The following MYO5A variants were observed in gnomAD, a reference collection of about 807,000 sequenced individuals.
MYO5A encodes myosin VA.
Under a neutral mutation model 249.7 loss-of-function variants are expected in MYO5A, and 98 were observed. The observed-to-expected ratio is 0.39, with a 90% CI of 0.33 to 0.46. The LOEUF is 0.46. Ranked by LOEUF, MYO5A falls within the 20% of genes least tolerant of loss-of-function variation. The probability of loss-of-function intolerance (pLI) is 0.98; values close to 1 mark genes in which losing one functional copy is unlikely to be tolerated. For missense variants in MYO5A, 1,696 were observed against 2,308.8 expected, an observed-to-expected ratio of 0.73 and a Z score of 5.44; for synonymous variants, 778 against 810.6, an observed-to-expected ratio of 0.96 and a Z score of 0.68.
intron 1 of MYO5A, among the ~76,000 whole-genome samples, chr15:52,435,424 A>G (rs891674596): frequency 1.3e-4 from 19 of 151,902 alleles, no homozygotes; most frequent in African/African-American, 4.4e-4. Context: ...CTATAGGCAC[A>G]TGCCACCACA....
At chr15:52,316,911 G>T in intron 40 of MYO5A, 137 bp downstream of exon 40, 1 of 887,048 alleles carries the variant, frequency 1.1e-6, no homozygotes, top group Non-Finnish European at 1.8e-6. Flanking sequence ...CTTTAAGATT[G>T]GTAGAGGCAT....
intron 37 of MYO5A, among the ~76,000 whole-genome samples, chr15:52,322,051 T>G (rs1447017136): frequency 6.6e-6 from 1 of 152,214 alleles, no homozygotes; most frequent in Non-Finnish European, 1.5e-5. Context: ...AAGGGAATCT[T>G]TGGTGGTATC....
At chr15:52,328,054 G>A (rs368315925) in intron 35 of MYO5A, 48 bp from the exon 36 acceptor site, 33 of 1,455,196 alleles carry the variant, frequency 2.3e-5, no homozygotes, top group South Asian at 2.1e-4. Flanking sequence ...AAATTTTCAC[G>A]AGGCATGCAT....
intron 1 of MYO5A, among the ~76,000 whole-genome samples, chr15:52,459,147 A>ATTTTTTTTTTTTTTTTTTT (rs531798708): frequency 7.8e-5 from 5 of 64,288 alleles, no homozygotes; most frequent in African/African-American, 1.5e-4. Context: ...TTTTCCAGAA[A>ATTTTTTTTTTTTTTTTTTT]TTTTTTTTTT....
At position 52,411,101 on chromosome 15, in the gene MYO5A, C is replaced by T. The variant is rs138910073; in HGVS notation, c.613-625G>A. ...CATGCCAGCAAAGAAAGAGAACAAA[C>T]GAGGATGGGAGCTGCCAAGGCATAG... On this transcript the variant is annotated intron_variant, in intron 5 of 41. Coordinates refer to ENST00000399233, the MANE Select transcript of MYO5A (RefSeq NM_001382347.1). 6.6e-4 allele frequency among the ~76,000 whole-genome samples: 100 copies of T among 152,264 alleles called. 1 individual carries two copies. The East Asian group carries it at 8.7e-3, about 13-fold the overall frequency.
intron 1 of MYO5A, among the ~76,000 whole-genome samples, chr15:52,438,889 G>A (rs1318615324): frequency 6.6e-6 from 1 of 152,228 alleles, no homozygotes; most frequent in Non-Finnish European, 1.5e-5. Context: ...CACTGTTACA[G>A]ACCTGTGGCT....
At chr15:52,499,334 A>T (rs2077105865) in intron 1 of MYO5A, among the ~76,000 whole-genome samples, 1 of 152,204 alleles carries the variant, frequency 6.6e-6, no homozygotes, top group East Asian at 1.9e-4. Flanking sequence ...AATTGTGGTA[A>T]AATACACATA....
At chr15:52,486,165 G>C (rs1274201178) in intron 1 of MYO5A, among the ~76,000 whole-genome samples, 5 of 152,176 alleles carry the variant, frequency 3.3e-5, no homozygotes, top group Non-Finnish European at 5.9e-5. Flanking sequence ...TGGGGGTGGG[G>C]GATGGTGAAA....
At chr15:52,477,708 T>C (rs1314290721) in intron 1 of MYO5A, among the ~76,000 whole-genome samples, 2 of 152,164 alleles carry the variant, frequency 1.3e-5, no homozygotes. Context: ...GTATCACCAG[T>C]GGAGGCTGCA....
At chr15:52,332,143 G>A (rs936448767) in intron 34 of MYO5A, among the ~76,000 whole-genome samples, 1 of 152,132 alleles carries the variant, frequency 6.6e-6, no homozygotes, top group African/African-American at 2.4e-5. Context: ...CTTTTAAGCC[G>A]CATGTACAAT....
chr15:52,407,493 G>A (rs2141225142), intron 7 of MYO5A, 94 bp from the exon 8 acceptor site: 1 of 813,356 alleles, frequency 1.2e-6, no homozygotes, highest in East Asian at 2.6e-5. Flanking sequence ...TGATAGCACA[G>A]TTGAGTGTAC....
At chr15:52,496,025 T>C (rs552706631) in intron 1 of MYO5A, among the ~76,000 whole-genome samples, 66 of 151,604 alleles carry the variant, frequency 4.4e-4, no homozygotes, top group African/African-American at 1.5e-3. Flanking sequence ...GGCACATGTG[T>C]AACAAACCTG....
chr15:52,479,895 C>G (rs1279296595), intron 1 of MYO5A, among the ~76,000 whole-genome samples: 1 of 152,168 alleles, frequency 6.6e-6, no homozygotes, highest in Non-Finnish European at 1.5e-5. Flanking sequence ...TTGCTCTGGG[C>G]TCCAGCTCAG....
intron 35 of MYO5A, among the ~76,000 whole-genome samples, chr15:52,328,430 T>C (rs2038713108): frequency 6.6e-6 from 1 of 152,194 alleles, no homozygotes; most frequent in African/African-American, 2.4e-5. Flanking sequence ...TTGACTCCTT[T>C]CTTTTCTCAT....
intron 27 of MYO5A, 64 bp downstream of exon 27, chr15:52,353,541 G>A (rs1175976691): frequency 1.7e-5 from 23 of 1,353,280 alleles, no homozygotes; most frequent in African/African-American, 2.9e-5. Context: ...GAAAAAGAGA[G>A]GCTCTGAATG....
intron 38 of MYO5A, among the ~76,000 whole-genome samples, chr15:52,320,223 C>T (rs929095207): frequency 1.3e-5 from 2 of 152,190 alleles, no homozygotes; most frequent in Middle Eastern, 3.2e-3. Flanking sequence ...TTGGCTTATG[C>T]CTCCCTTAGA....
chr15:52,366,302 T>C (rs1405579949), intron 23 of MYO5A, among the ~76,000 whole-genome samples: 7 of 152,202 alleles, frequency 4.6e-5, no homozygotes, highest in Non-Finnish European at 1.5e-5. Context: ...TATCTCATTG[T>C]AAAATCTTAG....
chr15:52,347,636 T>G (rs2039707480), intron 29 of MYO5A, among the ~76,000 whole-genome samples: 1 of 152,152 alleles, frequency 6.6e-6, no homozygotes, highest in Non-Finnish European at 1.5e-5. Context: ...AATGTGTATT[T>G]TAAAAATCCT....
At chr15:52,496,903 G>C (rs1221659644) in intron 1 of MYO5A, among the ~76,000 whole-genome samples, 2 of 152,200 alleles carry the variant, frequency 1.3e-5, no homozygotes, top group African/African-American at 4.8e-5. Context: ...CTAAACCTGT[G>C]CAACAACCAG....
Sources: gnomAD v4.1 joint callset for allele counts (sites outside exome capture counted in the v4.1 genomes callset) on GRCh38, gnomAD v4.1.1 for gene constraint, MANE v1.5 for transcripts, NCBI Gene and HGNC (gene_info 2026-07-23, HGNC 2026-07-21) for gene names.